The following CACNA2D3 variants were observed in gnomAD, a reference collection of about 807,000 sequenced individuals.
CACNA2D3 encodes voltage-dependent calcium channel subunit alpha-2/delta-3.
A neutral mutation model predicts 160.6 loss-of-function variants in CACNA2D3; 60 were observed. The observed-to-expected ratio is 0.37, with a 90% CI of 0.30 to 0.46. CACNA2D3 has a LOEUF of 0.46. Ranked by LOEUF, CACNA2D3 falls within the 20% of genes least tolerant of loss-of-function variation. The probability of loss-of-function intolerance (pLI) is 1.00; values close to 1 mark genes in which losing one functional copy is unlikely to be tolerated. For missense variants in CACNA2D3, 1,205 were observed against 1,365.0 expected, an observed-to-expected ratio of 0.88 and a Z score of 1.85; for synonymous variants, 558 against 492.9, an observed-to-expected ratio of 1.13 and a Z score of -1.75.
At chr3:54,224,331 C>T (rs1458689031) in intron 2 of CACNA2D3, among the ~76,000 whole-genome samples, 1 of 151,992 alleles carries the variant, frequency 6.6e-6, no homozygotes, top group Non-Finnish European at 1.5e-5. Flanking sequence ...ATTAAAATTA[C>T]AGTATAGTAA....
intron 2 of CACNA2D3, among the ~76,000 whole-genome samples, chr3:54,207,936 A>T (rs547353252): frequency 1.3e-4 from 20 of 152,310 alleles, no homozygotes; most frequent in African/African-American, 4.8e-4. Context: ...TGACTGCCTC[A>T]GTGTGAATCC....
At chr3:54,758,742 G>A (rs886394423) in intron 12 of CACNA2D3, among the ~76,000 whole-genome samples, 2 of 152,086 alleles carry the variant, frequency 1.3e-5, no homozygotes, top group African/African-American at 4.8e-5. Flanking sequence ...GGCACCCTCT[G>A]GAGACTGATA....
intron 26 of CACNA2D3, among the ~76,000 whole-genome samples, chr3:54,899,107 AGGTG>A (rs1425222951): frequency 6.6e-6 from 1 of 152,234 alleles, no homozygotes; most frequent in Admixed American, 6.5e-5. Flanking sequence ...ACCTTTTAGC[AGGTG>A]GGCATTGGAC....
chr3:54,387,064 C>A (rs1043200486), intron 4 of CACNA2D3, among the ~76,000 whole-genome samples: 1 of 152,196 alleles, frequency 6.6e-6, no homozygotes. Context: ...ATCACCAGAT[C>A]TCTCAATGGT....
chr3:54,602,716 G>A (rs1478279421), intron 9 of CACNA2D3, among the ~76,000 whole-genome samples: 1 of 152,088 alleles, frequency 6.6e-6, no homozygotes, highest in Non-Finnish European at 1.5e-5. Flanking sequence ...AAAGAGTACT[G>A]ACATAATAAA....
intron 3 of CACNA2D3, among the ~76,000 whole-genome samples, chr3:54,338,467 C>CTGTGTGTGTG (rs71074965): frequency 0.049 from 6,717 of 136,424 alleles, 211 homozygotes; most frequent in Non-Finnish European, 0.058. Context: ...TCTCCCCTCC[C>CTGTGTGTGTG]TGTGTGTGTG....
chr3:54,708,479 T>C (rs1700894845), intron 11 of CACNA2D3, among the ~76,000 whole-genome samples: 1 of 152,160 alleles, frequency 6.6e-6, no homozygotes, highest in South Asian at 2.1e-4. Flanking sequence ...TTGAACAGGA[T>C]CCTTTTGGTT....
intron 4 of CACNA2D3, among the ~76,000 whole-genome samples, chr3:54,479,840 T>C (rs543410371): frequency 6.6e-6 from 1 of 152,218 alleles, no homozygotes; most frequent in Non-Finnish European, 1.5e-5. Context: ...AGTGGGCAGC[T>C]ATTAGTCAAA....
intron 3 of CACNA2D3, among the ~76,000 whole-genome samples, chr3:54,347,968 G>T (rs1033993806): frequency 6.6e-6 from 1 of 152,126 alleles, no homozygotes; most frequent in South Asian, 2.1e-4. Context: ...TTCGAAGCAG[G>T]CCCATATACA....
chr3:54,581,025 C>T (rs1702667237), intron 8 of CACNA2D3, among the ~76,000 whole-genome samples: 1 of 152,142 alleles, frequency 6.6e-6, no homozygotes, highest in African/African-American at 2.4e-5. Flanking sequence ...GACCAAGGGT[C>T]CAGAGCCTCA....
At chr3:54,155,206 G>T (rs1003435538) in intron 2 of CACNA2D3, among the ~76,000 whole-genome samples, 1 of 152,214 alleles carries the variant, frequency 6.6e-6, no homozygotes, top group Admixed American at 6.5e-5. Context: ...AGGCTATGCT[G>T]TGGTAGTAAG....
intron 3 of CACNA2D3, among the ~76,000 whole-genome samples, chr3:54,381,182 G>T (rs185821661): frequency 6.6e-6 from 1 of 151,938 alleles, no homozygotes; most frequent in African/African-American, 2.4e-5. Flanking sequence ...ACAACCCAAA[G>T]GTTTTTAGCT....
chr3:54,144,214 A>G (rs1699984339), intron 2 of CACNA2D3, among the ~76,000 whole-genome samples: 2 of 152,272 alleles, frequency 1.3e-5, no homozygotes, highest in Non-Finnish European at 2.9e-5. Flanking sequence ...ATTTTCCGAA[A>G]TGATTTGTGT....
chr3:54,522,229 G>A (rs1334108508), intron 5 of CACNA2D3, among the ~76,000 whole-genome samples: 2 of 151,828 alleles, frequency 1.3e-5, no homozygotes, highest in South Asian at 2.1e-4. Context: ...CAACAGTTTT[G>A]TAGTTTTCAA....
chr3:54,597,580 A>C (rs74639341), intron 9 of CACNA2D3, among the ~76,000 whole-genome samples: 11 of 152,150 alleles, frequency 7.2e-5, no homozygotes, highest in Admixed American at 6.5e-4. Flanking sequence ...TTGTCCTGCT[A>C]TAGTTTAAAA....
intron 5 of CACNA2D3, among the ~76,000 whole-genome samples, chr3:54,509,308 TGTG>T (rs1559500710): frequency 1.1e-4 from 17 of 152,068 alleles, no homozygotes; most frequent in African/African-American, 3.6e-4. Context: ...TGTGTGTGTG[TGTG>T]TTTGAGAGAG....
rs977524451 is a variant in CACNA2D3 at position 54,562,853 on chromosome 3, G to A, written c.598G>A (p.Val200Ile). Residue 200 changes from valine to isoleucine, a missense_variant, in exon 6 of 38, where the codon GTA (valine) becomes ATA (isoleucine). By Grantham distance (29) the Val-to-Ile change is conservative (BLOSUM62 3). This residue lies in a region of CACNA2D3 where 131 missense variants were observed against 201.5 expected (regional missense o/e 0.65). Coordinates refer to ENST00000474759, the MANE Select transcript of CACNA2D3 (RefSeq NM_018398.3). ...YWSESLNKVF[V>I]DNFDRDPSLI... is the part of the protein sequence containing the mutation. ...GTCTGAATCTCTAAACAAAGTTTTT[G>A]TAGATAACTTTGACCGTGACCCATC... 15 of 1,612,224 alleles carry A rather than the reference G, an allele frequency of 9.3e-6. No individual in the cohort carries two copies. Among genetic ancestry groups the A allele is most frequent in the Admixed American group, 5.0e-5 (3 of 60,010 alleles).
intron 27 of CACNA2D3, among the ~76,000 whole-genome samples, chr3:54,906,556 C>T (rs1467577477): frequency 6.6e-6 from 1 of 152,164 alleles, no homozygotes; most frequent in African/African-American, 2.4e-5. Flanking sequence ...AATGAGATTC[C>T]TCATCCATGT....
chr3:55,074,159 A>G lies in CACNA2D3; in HGVS notation c.3229A>G (p.Thr1077Ala), dbSNP rs770193687. ...GGGTGCGCCGAGTCTCCAAGCCCAGACAGTCCTCCTTCTGCTCCCTCTGCT... is the reference window on the plus strand; with the variant it reads ...GGGTGCGCCGAGTCTCCAAGCCCAGGCAGTCCTCCTTCTGCTCCCTCTGCT... Reference protein sequence around the residue: ...CGGAPSLQAQTVLLLLPLLLM... With the variant: ...CGGAPSLQAQAVLLLLPLLLM... Residue 1077 changes from threonine to alanine, a missense_variant, in exon 38 of 38, where the codon ACA (threonine) becomes GCA (alanine). Transcript: ENST00000474759. 5.6e-6 allele frequency: 9 copies of G among 1,613,742 alleles called. No individual in the cohort carries two copies. The highest frequency in any genetic ancestry group is 1.1e-5 in the South Asian group (1 of 91,080).
Sources: allele counts gnomAD v4.1 joint callset (sites outside exome capture counted in the v4.1 genomes callset), GRCh38; gene constraint gnomAD v4.1.1; regional missense constraint gnomAD v4.1.1; transcripts MANE v1.5; gene names NCBI Gene and HGNC (gene_info 2026-07-23, HGNC 2026-07-21).